Variants in DHRS4L2 observed in about 807,000 individuals in gnomAD.
DHRS4L2 encodes the protein dehydrogenase/reductase SDR family member 4-like 2.
Under a neutral mutation model 23.9 loss-of-function variants are expected in DHRS4L2, and 22 were observed. The observed-to-expected ratio is 0.92, with a 90% CI of 0.66 to 1.31. DHRS4L2 has a LOEUF of 1.31. Among genes scored for constraint, DHRS4L2 ranks in the 40% most tolerant of loss-of-function variants. The pLI is 0.00. For missense variants in DHRS4L2, 385 were observed against 303.3 expected, an observed-to-expected ratio of 1.27 and a Z score of -2.00; for synonymous variants, 141 against 123.7, an observed-to-expected ratio of 1.14 and a Z score of -0.93.
At chr14:23,970,221 C>T (rs538791048) in exon 1 of DHRS4L2, 51 of 454,080 alleles carry the variant, frequency 1.1e-4, no homozygotes, top group Admixed American at 2.6e-4. Flanking sequence ...CACCCCGGCC[C>T]GGTGCCTCAC....
At chr14:23,991,099 C>G (rs1483808333) in intron 2 of DHRS4L2, 1 of 161,980 alleles carries the variant, frequency 6.2e-6, no homozygotes, top group Non-Finnish European at 1.3e-5. Flanking sequence ...CTTTATTTCC[C>G]AGAGTGGAAG....
chr14:23,986,516 AAAAAGAAAG>A (rs2034143631), upstream of DHRS4L2, among the ~76,000 whole-genome samples: 1 of 141,332 alleles, frequency 7.1e-6, no homozygotes, highest in South Asian at 2.4e-4. Flanking sequence ...ATAAAAAAAA[AAAAAGAAAG>A]AAAGAAAGAA....
chr14:23,977,654 T>A (rs1390820449), intron 1 of DHRS4L2, among the ~76,000 whole-genome samples: 3 of 151,738 alleles, frequency 2.0e-5, no homozygotes, highest in African/African-American at 7.3e-5. Context: ...TAACTTCTGT[T>A]CTCAAATTAT....
Position 23,994,940 on chromosome 14 carries a change from C to A in DHRS4L2, c.307-92C>A, listed in dbSNP as rs140061327. ...CTATGATTACAGGCATGAGCCACAGCTCCTTGCCCAGAAGGAAGTTTTTAT... is the reference window on the plus strand; with the variant it reads ...CTATGATTACAGGCATGAGCCACAGATCCTTGCCCAGAAGGAAGTTTTTAT... On this transcript the variant is annotated intron_variant, in intron 2 of 7. Transcript: ENST00000335125. 3.7e-4 allele frequency: 540 copies of A among 1,471,608 alleles called. 6 individuals are homozygous for A. The highest frequency in any genetic ancestry group is 4.8e-4 in the Non-Finnish European group (510 of 1,060,202). The allele number at this position is 1,471,608 out of a possible 1,614,324, so 91.2% of individuals were successfully genotyped here.
At chr14:23,970,037 C>T (rs2138495489) in exon 1 of DHRS4L2, 1 of 456,292 alleles carries the variant, frequency 2.2e-6, no homozygotes, top group East Asian at 7.0e-5. Context: ...TGTGCGGCTG[C>T]TCCACAGCGG....
chr14:23,997,723 G>C (rs1257930664), intron 3 of DHRS4L2, among the ~76,000 whole-genome samples: 1 of 150,602 alleles, frequency 6.6e-6, no homozygotes, highest in African/African-American at 2.5e-5. Context: ...TAGTTCTCTT[G>C]CTATTTCCAC....
At chr14:23,975,291 T>C (rs978887953) in intron 1 of DHRS4L2, among the ~76,000 whole-genome samples, 1 of 151,088 alleles carries the variant, frequency 6.6e-6, no homozygotes, top group Non-Finnish European at 1.5e-5. Flanking sequence ...ATGCAAATAA[T>C]AGACAGAGAG....
rs766957254 is a variant in DHRS4L2, at chr14:24,005,906, G to C, written c.*43G>C. The C allele has an allele frequency of 3.7e-6, 6 of 1,605,126 alleles. No homozygotes were observed. The highest frequency in any genetic ancestry group is 2.7e-5 in the African/African-American group (2 of 74,118). On this transcript the variant is annotated 3_prime_UTR_variant, in exon 8 of 8. Transcript: ENST00000335125. ...CCCAGGTTAGGCGAGCCAGAGGATT[G>C]TGCTGGCATCGTGTCTTTCCTGTGC...
At chr14:23,981,520 GTGGGTATTTCT>G (rs1219027729) in intron 1 of DHRS4L2, among the ~76,000 whole-genome samples, 1 of 151,644 alleles carries the variant, frequency 6.6e-6, no homozygotes, top group Non-Finnish European at 1.5e-5. Flanking sequence ...CTCCACACCT[GTGGGTATTTCT>G]TGTCAGGCAG....
At position 23,970,267 on chromosome 14, in the gene DHRS4L2, C is replaced by A. The variant is rs188318548; in HGVS notation, c.-241C>A. ...CCCAAGCATCCAGACTCTAAGGCAG[C>A]CCCTGCATCTCAGTCCTGACATCGC... On this transcript the variant is annotated 5_prime_UTR_variant, in exon 1 of 6. Transcript: ENST00000534993. The A allele has an allele frequency of 5.1e-3, 2,306 of 451,138 alleles. 52 individuals are homozygous for A. Among genetic ancestry groups the A allele is most frequent in the African/African-American group, 0.039 (1,912 of 48,618 alleles). The allele number at this position is 451,138 out of a possible 1,614,324, so 27.9% of individuals were successfully genotyped here.
intron 1 of DHRS4L2, among the ~76,000 whole-genome samples, chr14:23,973,588 A>G (rs2033910164): frequency 1.3e-5 from 2 of 151,946 alleles, no homozygotes; most frequent in Non-Finnish European, 2.9e-5. Context: ...AAAAAAAAGC[A>G]GGGATTGCAA....
intron 2 of DHRS4L2, among the ~76,000 whole-genome samples, chr14:23,992,498 A>T (rs1467483015): frequency 6.6e-6 from 1 of 151,266 alleles, no homozygotes; most frequent in African/African-American, 2.4e-5. Context: ...AATGGATACT[A>T]CCCAGTGGCC....
Position 23,995,120 on chromosome 14 carries a change from A to G in DHRS4L2, c.395A>G (p.Glu132Gly). 1 of 1,612,698 alleles carries G rather than the reference A, an allele frequency of 6.2e-7. No homozygotes were observed. Among genetic ancestry groups the G allele is most frequent in the Non-Finnish European group, 8.5e-7 (1 of 1,179,346 alleles). Reference sequence around the variant, plus strand: ...GGAAGCCTAATGGATGTCACCGAGGAGGTGTGGGACAAGGTGAGAGGGGAT... The same window carrying G: ...GGAAGCCTAATGGATGTCACCGAGGGGGTGTGGGACAAGGTGAGAGGGGAT... ...FFGSLMDVTE[E>G]VWDKTLDINV... Residue 132 changes from glutamate (E) to glycine (G), a missense_variant, in exon 3 of 8, where the codon GAG (glutamate) becomes GGG (glycine). By Grantham distance (98) the Glu-to-Gly change is moderately conservative. Transcript: ENST00000335125.
At chr14:23,997,736 C>T (rs1033671771) in intron 3 of DHRS4L2, among the ~76,000 whole-genome samples, 2 of 151,178 alleles carry the variant, frequency 1.3e-5, no homozygotes, top group Non-Finnish European at 2.9e-5. Flanking sequence ...ATTTCCACCA[C>T]ATCTGCAGTT....
intron 1 of DHRS4L2, among the ~76,000 whole-genome samples, chr14:23,973,124 C>G (rs1209063530): frequency 2.6e-5 from 4 of 151,962 alleles, no homozygotes; most frequent in Non-Finnish European, 5.9e-5. Context: ...TCCTCTTTTA[C>G]TAATCCACCA....
At chr14:23,973,354 G>C (rs113017224) in intron 1 of DHRS4L2, among the ~76,000 whole-genome samples, 1 of 151,806 alleles carries the variant, frequency 6.6e-6, no homozygotes, top group African/African-American at 2.4e-5. Context: ...CCCAGTTCCC[G>C]CCCATGCCTC....
At chr14:23,991,376 T>G (rs2034265679) in intron 2 of DHRS4L2, among the ~76,000 whole-genome samples, 1 of 151,740 alleles carries the variant, frequency 6.6e-6, no homozygotes, top group Non-Finnish European at 1.5e-5. Flanking sequence ...GCCTTGATCC[T>G]GATGGTGGAA....
At chr14:23,988,843 GGGAA>G, upstream of DHRS4L2, 1 of 1,457,534 alleles carries the variant, frequency 6.9e-7, no homozygotes, top group Non-Finnish European at 9.1e-7. Context: ...GGCCGAGGGC[GGGAA>G]GGGGGCAGGC....
chr14:23,972,321 G>C (rs1218253335), intron 1 of DHRS4L2, among the ~76,000 whole-genome samples: 2 of 152,032 alleles, frequency 1.3e-5, no homozygotes, highest in Non-Finnish European at 1.5e-5. Flanking sequence ...GACCTTCGCA[G>C]TGAGTGTTAC....
Sources: gnomAD v4.1 joint callset for allele counts (sites outside exome capture counted in the v4.1 genomes callset) on GRCh38, gnomAD v4.1.1 for gene constraint, MANE v1.5 for transcripts, NCBI Gene and HGNC (gene_info 2026-07-23, HGNC 2026-07-21) for gene names.